SLK: variants seen among roughly 807,000 people sequenced by gnomAD.
SLK encodes STE20-like serine/threonine-protein kinase.
In SLK, 67 loss-of-function variants were observed where a neutral mutation model predicts 147.7. The observed-to-expected ratio is 0.45, with a 90% confidence interval of 0.37 to 0.56. SLK has a LOEUF of 0.56. Among genes scored for constraint, SLK ranks in the 20% least tolerant of loss-of-function variants. The pLI, the probability that SLK is intolerant of heterozygous loss-of-function variation, is 0.00. For synonymous variants in SLK, 441 were observed against 475.0 expected (o/e 0.93, Z 0.93); for missense variants, 1,136 against 1,438.8 (o/e 0.79, Z 3.41).
Position 104,026,634 on chromosome 10 carries a change from C to G in SLK, c.*914C>G, listed in dbSNP as rs1844602779. The G allele has an allele frequency of 6.6e-6, 1 of 152,196 alleles. No homozygotes were observed. Among genetic ancestry groups the G allele is most frequent in the Admixed American group, 6.5e-5 (1 of 15,270 alleles). The allele number at this position is 152,196 out of a possible 1,614,324, so 9.4% of individuals were successfully genotyped here. On this transcript the variant is annotated 3_prime_UTR_variant, in exon 19 of 19. Transcript: ENST00000369755. ...TACCTGAGCTGGTTAAATGATTTCT[C>G]TCCATCTTAGCTAATTCTGTTTAAA...
At chr10:104,005,738 C>A in intron 10 of SLK, 47 bp downstream of exon 10, 1 of 1,577,562 alleles carries the variant, frequency 6.3e-7, no homozygotes. Context: ...GACTTCTTTT[C>A]AGTCTCTGAA....
chr10:104,020,636 C>A, intron 17 of SLK, 23 bp downstream of exon 17: 1 of 1,604,552 alleles, frequency 6.2e-7, no homozygotes, highest in Non-Finnish European at 8.5e-7. Flanking sequence ...AGCCTGACAG[C>A]AAAGCCCATA....
chr10:103,980,913 T>C (rs757357819), intron 1 of SLK, among the ~76,000 whole-genome samples: 1 of 152,316 alleles, frequency 6.6e-6, no homozygotes, highest in South Asian at 2.1e-4. Flanking sequence ...TATTGTTTTC[T>C]GTAGCTGTAC....
At chr10:104,016,232 T>C (rs1256318807) in intron 13 of SLK, among the ~76,000 whole-genome samples, 1 of 151,540 alleles carries the variant, frequency 6.6e-6, no homozygotes, top group East Asian at 1.9e-4. Flanking sequence ...GGCAGGAGAA[T>C]GGCATGAACC....
At chr10:103,975,202 A>G (rs1350464640) in intron 1 of SLK, among the ~76,000 whole-genome samples, 1 of 151,736 alleles carries the variant, frequency 6.6e-6, no homozygotes, top group African/African-American at 2.4e-5. Flanking sequence ...TTTGAACTCC[A>G]GATCCACACA....
At chr10:103,970,526 T>C (rs1438607012) in intron 1 of SLK, among the ~76,000 whole-genome samples, 1 of 152,162 alleles carries the variant, frequency 6.6e-6, no homozygotes, top group Non-Finnish European at 1.5e-5. Context: ...ATTTCACTAC[T>C]CTCTGCTTCT....
At chr10:103,968,309 G>GTA (rs1843745944) in intron 1 of SLK, among the ~76,000 whole-genome samples, 3 of 152,202 alleles carry the variant, frequency 2.0e-5, no homozygotes, top group Admixed American at 2.0e-4. Context: ...TTAGGGTCCA[G>GTA]TATATATATT....
chr10:104,003,187 A>G lies in SLK; in HGVS notation c.2009A>G (p.Gln670Arg), dbSNP rs117017856. The part of the protein sequence containing the change: ...TDQKALGSEV[Q>R]DASKVTTQID... Reference sequence around the variant, plus strand: ...CAAAAGGCTTTAGGAAGTGAAGTTCAGGATGCTTCTAAAGTCACTACTCAG... The same window carrying G: ...CAAAAGGCTTTAGGAAGTGAAGTTCGGGATGCTTCTAAAGTCACTACTCAG... The change falls in exon 9 of 19, where the codon CAG (glutamine) becomes CGG (arginine). Residue 670 changes from glutamine to arginine, a missense_variant. By Grantham distance (43) the Gln-to-Arg change is conservative (BLOSUM62 1). Coordinates refer to ENST00000369755, the MANE Select transcript of SLK (RefSeq NM_014720.4). 4.9e-4 allele frequency: 795 copies of G among 1,614,088 alleles called. 9 individuals carry two copies. The East Asian group carries it at 0.018, about 36-fold the overall frequency.
rs34326537 is a variant in SLK, at chr10:104,003,214, T to C, written c.2036T>C (p.Ile679Thr). 19,648 of 1,612,602 alleles carry C rather than the reference T, an allele frequency of 0.012. 174 individuals are homozygous for C. Among genetic ancestry groups the C allele is most frequent in the Middle Eastern group, 0.018 (109 of 6,056 alleles). Residue 679 changes from isoleucine (I) to threonine (T), a missense_variant, in exon 9 of 19, where the codon ATA becomes ACA. Ile to Thr is a moderately conservative substitution (Grantham distance 89). Around this residue, in one of 6 missense-constraint regions of SLK, gnomAD observed 516 missense variants for 531.3 expected, o/e 0.97. Transcript: ENST00000369755. ...VQDASKVTTQ[I>T]DKEKKEIPVS... is the part of the protein sequence containing the mutation. ...GATGCTTCTAAAGTCACTACTCAGA[T>C]AGATAAAGAGAAAAAAGAAATTCCA...
In SLK at chr10:103,967,656, C is replaced by A; in HGVS notation, c.-90C>A. Reference sequence around the variant, plus strand: ...GGGACGCCGCGCCCGCCGCCGCCAGCCGGGCTCGCGCGGGAGAGCAGGGAA... The same window carrying A: ...GGGACGCCGCGCCCGCCGCCGCCAGACGGGCTCGCGCGGGAGAGCAGGGAA... On this transcript the variant is annotated 5_prime_UTR_variant, in exon 1 of 19. Transcript: ENST00000369755. The A allele has an allele frequency of 8.2e-7, 1 of 1,213,408 alleles. No individual in the cohort carries two copies. Among genetic ancestry groups the A allele is most frequent in the South Asian group, 2.1e-5 (1 of 48,050 alleles). The allele number at this position is 1,213,408 out of a possible 1,614,324, so 75.2% of individuals were successfully genotyped here.
intron 2 of SLK, among the ~76,000 whole-genome samples, chr10:103,992,362 C>T (rs1372671246): frequency 6.6e-6 from 1 of 151,854 alleles, no homozygotes; most frequent in Non-Finnish European, 1.5e-5. Flanking sequence ...GAAGCAGGGA[C>T]AGTAAACATG....
intron 2 of SLK, among the ~76,000 whole-genome samples, chr10:103,991,465 G>A (rs756555644): frequency 2.0e-5 from 3 of 152,050 alleles, no homozygotes; most frequent in Non-Finnish European, 2.9e-5. Flanking sequence ...TGCAGCTTCA[G>A]TCTTTCTTCC....
At chr10:103,987,451 T>G (rs910883322) in intron 1 of SLK, among the ~76,000 whole-genome samples, 2 of 152,218 alleles carry the variant, frequency 1.3e-5, no homozygotes, top group African/African-American at 4.8e-5. Flanking sequence ...TTTAGGCTGA[T>G]TCACTTTTTC....
rs1220722171 is a variant in SLK at position 104,002,544 on chromosome 10, A to G, written c.1366A>G (p.Met456Val). The change falls in exon 9 of 19, where the codon ATG (methionine) becomes GTG (valine). Residue 456 changes from methionine (M) to valine (V), a missense_variant. By Grantham distance (21) the Met-to-Val change is conservative. This residue lies in a region of SLK where 516 missense variants were observed against 531.3 expected (regional missense o/e 0.97). Transcript: ENST00000369755. ...SVSEGKENNI[M>V]ITLETNIEHN... ...CAGTGAAGGAAAAGAGAATAATATA[A>G]TGATAACCTTAGAAACAAATATTGA... 6.2e-7 allele frequency: 1 copy of G among 1,608,602 alleles called. No homozygotes were observed. The highest frequency in any genetic ancestry group is 1.1e-5 in the South Asian group (1 of 90,570).
At chr10:103,984,285 A>G (rs771812504) in intron 1 of SLK, among the ~76,000 whole-genome samples, 3 of 152,206 alleles carry the variant, frequency 2.0e-5, no homozygotes, top group Non-Finnish European at 4.4e-5. Context: ...ATATAGGTAA[A>G]AACATTAAAA....
intron 1 of SLK, among the ~76,000 whole-genome samples, chr10:103,984,896 G>C (rs1843992709): frequency 6.6e-6 from 1 of 152,306 alleles, no homozygotes; most frequent in African/African-American, 2.4e-5. Flanking sequence ...GTAAGTATTT[G>C]TTGGAAGAAT....
Position 104,018,287 on chromosome 10 carries a change from G to C in SLK, c.3005G>C (p.Arg1002Thr). The change falls in exon 14 of 19, where the codon AGA (arginine) becomes ACA (threonine). Residue 1002 changes from arginine (R) to threonine (T), a missense_variant and splice_region_variant. This residue lies in a region of SLK where 327 missense variants were observed against 457.5 expected (regional missense o/e 0.71). Transcript: ENST00000369755. ...CTGAATAACAAGCAACAGCTCATGAGAGGTAATTTTTTTAAAATTAAGAAA... is the reference window on the plus strand; with the variant it reads ...CTGAATAACAAGCAACAGCTCATGACAGGTAATTTTTTTAAAATTAAGAAA... ...ECLNNKQQLM[R>T]AREAAIWELE... 1 of 1,595,912 alleles carries C rather than the reference G, an allele frequency of 6.3e-7. No individual in the cohort carries two copies. Among genetic ancestry groups the C allele is most frequent in the Non-Finnish European group, 8.5e-7 (1 of 1,175,484 alleles).
At chr10:104,024,803 G>A (rs1358764887) in intron 18 of SLK, among the ~76,000 whole-genome samples, 1 of 152,080 alleles carries the variant, frequency 6.6e-6, no homozygotes, top group African/African-American at 2.4e-5. Flanking sequence ...ACACGGTCAC[G>A]CTTTGATGAG....
intron 8 of SLK, 129 bp downstream of exon 8, chr10:104,001,701 A>G (rs1844250445): frequency 1.0e-6 from 1 of 969,706 alleles, no homozygotes. Flanking sequence ...ATTAGTAGCA[A>G]GGTTGCTCGT....
Sources: allele counts gnomAD v4.1 joint callset (sites outside exome capture counted in the v4.1 genomes callset), GRCh38; gene constraint gnomAD v4.1.1; regional missense constraint gnomAD v4.1.1; transcripts MANE v1.5; gene names NCBI Gene and HGNC (gene_info 2026-07-23, HGNC 2026-07-21).